Variants in GPHN observed in about 807,000 individuals in gnomAD.
The protein encoded by GPHN is gephyrin.
A neutral mutation model predicts 95.5 loss-of-function variants in GPHN; 17 were observed. The ratio of observed to expected loss-of-function variants is 0.18; its 90% CI spans 0.12 to 0.27. The LOEUF is 0.27. Ranked by LOEUF, GPHN falls within the 10% of genes least tolerant of loss-of-function variation. The probability of loss-of-function intolerance (pLI) is 1.00; values close to 1 mark genes in which losing one functional copy is unlikely to be tolerated. For synonymous variants in GPHN, 320 were observed against 322.5 expected, an observed-to-expected ratio of 0.99 and a Z score of 0.08; for missense variants, 660 against 978.1, an observed-to-expected ratio of 0.67 and a Z score of 4.34.
At chr14:67,086,111 A>G (rs1266500649) in intron 11 of GPHN, among the ~76,000 whole-genome samples, 1 of 152,204 alleles carries the variant, frequency 6.6e-6, no homozygotes, top group African/African-American at 2.4e-5. Flanking sequence ...TCATCTGTCA[A>G]TGGATACTTG....
intron 2 of GPHN, among the ~76,000 whole-genome samples, chr14:66,684,248 A>G (rs894741973): frequency 2.0e-5 from 3 of 152,160 alleles, no homozygotes; most frequent in African/African-American, 7.2e-5. Flanking sequence ...AGAAAGGAAG[A>G]CAGAATAATA....
chr14:66,511,305 T>C (rs1173272503), intron 1 of GPHN, among the ~76,000 whole-genome samples: 1 of 152,160 alleles, frequency 6.6e-6, no homozygotes, highest in East Asian at 1.9e-4. Context: ...TGAACTGAAG[T>C]ATTGTGATTT....
chr14:67,338,786 A>AT, the GPHN span: 2 of 1,590,868 alleles, frequency 1.3e-6, no homozygotes, highest in Admixed American at 1.7e-5. Context: ...GTGGGGGTGG[A>AT]TTTTTTAAAC....
At chr14:67,603,242 G>T in the GPHN span, among the ~76,000 whole-genome samples, 1 of 152,038 alleles carries the variant, frequency 6.6e-6, no homozygotes, top group Non-Finnish European at 1.5e-5. Flanking sequence ...GCTAATTTTT[G>T]CATATTTTGT....
chr14:67,525,837 T>G, the GPHN span, among the ~76,000 whole-genome samples: 1 of 152,228 alleles, frequency 6.6e-6, no homozygotes, highest in African/African-American at 2.4e-5. Flanking sequence ...GATCCTGGAT[T>G]CACACAAGCA....
the GPHN span, chr14:67,663,181 C>A: frequency 6.5e-7 from 1 of 1,530,120 alleles, no homozygotes; most frequent in Non-Finnish European, 8.8e-7. Flanking sequence ...CTAAAAATTA[C>A]TAATCTCCCC....
chr14:66,618,621 C>A (rs1048122407), intron 1 of GPHN, among the ~76,000 whole-genome samples: 2 of 152,008 alleles, frequency 1.3e-5, no homozygotes, highest in Admixed American at 1.3e-4. Flanking sequence ...CATTTAATGT[C>A]CTTGGTCATT....
the GPHN span, among the ~76,000 whole-genome samples, chr14:67,191,242 A>C: frequency 6.6e-6 from 1 of 152,248 alleles, no homozygotes; most frequent in Non-Finnish European, 1.5e-5. Flanking sequence ...TCAAAAAAAA[A>C]CAGCCATCAT....
chr14:67,150,423 A>C (rs905831649), intron 18 of GPHN, among the ~76,000 whole-genome samples: 1 of 138,350 alleles, frequency 7.2e-6, no homozygotes, highest in African/African-American at 2.7e-5. Context: ...CCTGGGCGAC[A>C]GAGCGAGACT....
At chr14:66,799,212 T>A (rs1210335576) in intron 3 of GPHN, among the ~76,000 whole-genome samples, 1 of 151,912 alleles carries the variant, frequency 6.6e-6, no homozygotes, top group Non-Finnish European at 1.5e-5. Context: ...AAAAATGTTT[T>A]AAGACATATT....
At chr14:67,709,038 G>A in the GPHN span, among the ~76,000 whole-genome samples, 3 of 152,222 alleles carry the variant, frequency 2.0e-5, no homozygotes, top group Admixed American at 6.5e-5. Context: ...TGATCCGCTG[G>A]CCTTGGCTTC....
chr14:67,201,699 G>A, the GPHN span: 9 of 353,514 alleles, frequency 2.5e-5, no homozygotes, highest in South Asian at 1.9e-4. Flanking sequence ...CCATGATATT[G>A]GACAAAACCA....
chr14:66,636,992 A>G (rs1220768331), intron 1 of GPHN, among the ~76,000 whole-genome samples: 2 of 152,196 alleles, frequency 1.3e-5, no homozygotes, highest in Non-Finnish European at 2.9e-5. Flanking sequence ...GAATCTCCTC[A>G]GTTAACACCC....
intron 4 of GPHN, among the ~76,000 whole-genome samples, chr14:66,868,639 C>T (rs1044735503): frequency 2.1e-4 from 32 of 152,148 alleles, no homozygotes; most frequent in Non-Finnish European, 3.7e-4. Context: ...AGTGATCCGC[C>T]CACCTTGGCT....
chr14:67,099,549 A>C (rs1355767095), intron 12 of GPHN, among the ~76,000 whole-genome samples: 1 of 150,808 alleles, frequency 6.6e-6, no homozygotes, highest in Non-Finnish European at 1.5e-5. Flanking sequence ...ACAGGATTCA[A>C]AAAAAAAAAC....
At chr14:66,952,609 A>T (rs1216650906) in intron 8 of GPHN, among the ~76,000 whole-genome samples, 1 of 152,192 alleles carries the variant, frequency 6.6e-6, no homozygotes, top group Non-Finnish European at 1.5e-5. Context: ...CCAAACTATT[A>T]TCCATAGAGC....
chr14:66,688,448 G>A (rs943019786), intron 2 of GPHN, among the ~76,000 whole-genome samples: 1 of 152,106 alleles, frequency 6.6e-6, no homozygotes, highest in Admixed American at 6.5e-5. Flanking sequence ...TTTTATTTTT[G>A]TATGTAGCTG....
At chr14:67,249,773 T>C in the GPHN span, among the ~76,000 whole-genome samples, 50 of 152,340 alleles carry the variant, frequency 3.3e-4, no homozygotes, top group African/African-American at 1.2e-3. Flanking sequence ...GGTTTGAGAA[T>C]GTAACTTAAA....
the GPHN span, among the ~76,000 whole-genome samples, chr14:67,598,528 G>T: frequency 2.6e-5 from 4 of 152,010 alleles, no homozygotes; most frequent in Non-Finnish European, 5.9e-5. Context: ...CTAAAGTAAG[G>T]AATTCAGTAA....
Sources: gnomAD v4.1 joint callset for allele counts (sites outside exome capture counted in the v4.1 genomes callset) on GRCh38, gnomAD v4.1.1 for gene constraint, MANE v1.5 for transcripts, NCBI Gene and HGNC (gene_info 2026-07-23, HGNC 2026-07-21) for gene names.